The following GRIK4 variants were observed in gnomAD, a reference collection of about 807,000 sequenced individuals.
GRIK4 encodes the protein glutamate ionotropic receptor kainate type subunit 4.
A neutral mutation model predicts 104.9 loss-of-function variants in GRIK4; 40 were observed. That is an observed-to-expected ratio of 0.38 (90% CI 0.30 to 0.50). GRIK4 has a LOEUF of 0.50. Ranked by LOEUF, GRIK4 falls within the 20% of genes least tolerant of loss-of-function variation. The pLI is 0.93. For synonymous variants in GRIK4, 485 were observed against 524.9 expected (o/e 0.92, Z 1.04); for missense variants, 1,047 against 1,308.1 (o/e 0.80, Z 3.08).
At chr11:120,803,712 A>G (rs1346209708) in intron 4 of GRIK4, among the ~76,000 whole-genome samples, 2 of 152,232 alleles carry the variant, frequency 1.3e-5, no homozygotes, top group Non-Finnish European at 2.9e-5. Flanking sequence ...TGCTGGGATT[A>G]CAGGCATGAG....
At position 120,700,298 on chromosome 11, in the gene GRIK4, C is replaced by T. The variant is rs1207919207; in HGVS notation, c.82+39898C>T. On this transcript the variant is annotated intron_variant, in intron 3 of 20. Coordinates refer to ENST00000527524, the MANE Select transcript of GRIK4 (RefSeq NM_014619.5). ...TTTTTTTTTTTTTGAGATGGAGTCT[C>T]GCCCTGTCGCCCAGGCTGGAGTGGA... 1.3e-4 allele frequency among the ~76,000 whole-genome samples: 19 copies of T among 141,608 alleles called. No homozygotes were observed. In the East Asian group the frequency reaches 3.1e-3, roughly 23 times the overall value. The allele number at this position is 141,608 out of a possible 152,430, so 92.9% of individuals were successfully genotyped here.
intron 1 of GRIK4, among the ~76,000 whole-genome samples, chr11:120,560,843 A>G (rs1405602610): frequency 6.6e-6 from 1 of 152,224 alleles, no homozygotes; most frequent in African/African-American, 2.4e-5. Context: ...TTTAACATCT[A>G]CTTCAGTGGA....
At position 120,988,338 on chromosome 11, in the gene GRIK4, T is replaced by G. The variant is rs1944790619; in HGVS notation, c.*2078T>G. ...ACAACAAACCCCAATGGTGCCACTCTGCTCCAACCTGCAGCTCCATCCTAT... is the reference window on the plus strand; with the variant it reads ...ACAACAAACCCCAATGGTGCCACTCGGCTCCAACCTGCAGCTCCATCCTAT... On this transcript the variant is annotated 3_prime_UTR_variant, in exon 21 of 21. Transcript: ENST00000527524. 6.6e-6 allele frequency: 1 copy of G among 152,262 alleles called. No individual in the cohort carries two copies. The highest frequency in any genetic ancestry group is 1.5e-5 in the Non-Finnish European group (1 of 68,060). 9.4% of individuals were successfully genotyped at this position (152,262 alleles called of 1,614,324 possible).
At chr11:120,728,377 C>T (rs1033052339) in intron 3 of GRIK4, among the ~76,000 whole-genome samples, 3 of 152,230 alleles carry the variant, frequency 2.0e-5, no homozygotes, top group East Asian at 1.9e-4. Context: ...CATGTAAGAA[C>T]TGAGAGAATA....
chr11:120,669,473 T>C (rs1949977007), intron 3 of GRIK4, among the ~76,000 whole-genome samples: 1 of 152,204 alleles, frequency 6.6e-6, no homozygotes, highest in Non-Finnish European at 1.5e-5. Flanking sequence ...GAATTGCCTA[T>C]TCAAGCTGTC....
At chr11:120,838,815 C>T (rs1444552282) in intron 8 of GRIK4, among the ~76,000 whole-genome samples, 1 of 152,056 alleles carries the variant, frequency 6.6e-6, no homozygotes, top group African/African-American at 2.4e-5. Context: ...GACAGAATCT[C>T]GCTCTGTCAC....
intron 1 of GRIK4, among the ~76,000 whole-genome samples, chr11:120,561,584 G>C (rs1198994407): frequency 6.6e-6 from 1 of 152,244 alleles, no homozygotes; most frequent in African/African-American, 2.4e-5. Context: ...AGCCATGAGA[G>C]GGTCTCATAT....
intron 3 of GRIK4, among the ~76,000 whole-genome samples, chr11:120,716,346 C>T (rs1950833632): frequency 1.3e-5 from 2 of 152,120 alleles, no homozygotes; most frequent in Admixed American, 1.3e-4. Context: ...TGGGTTCAAG[C>T]AATCCTCCCC....
At chr11:120,644,498 G>A (rs1217415771) in intron 1 of GRIK4, among the ~76,000 whole-genome samples, 3 of 152,278 alleles carry the variant, frequency 2.0e-5, no homozygotes, top group African/African-American at 7.2e-5. Flanking sequence ...TAATGTCTTG[G>A]TCACAGTAAG....
At chr11:120,744,140 A>C (rs1951391405) in intron 3 of GRIK4, among the ~76,000 whole-genome samples, 1 of 152,162 alleles carries the variant, frequency 6.6e-6, no homozygotes, top group Admixed American at 6.5e-5. Context: ...AGTCTTTTAG[A>C]GATGCTTCCT....
At chr11:120,523,566 C>G (rs1311640790) in intron 1 of GRIK4, among the ~76,000 whole-genome samples, 1 of 152,214 alleles carries the variant, frequency 6.6e-6, no homozygotes, top group Non-Finnish European at 1.5e-5. Flanking sequence ...GGTCCTCACA[C>G]CAGCCCTCCA....
chr11:120,598,170 G>C (rs1012117735), intron 1 of GRIK4, among the ~76,000 whole-genome samples: 1 of 152,146 alleles, frequency 6.6e-6, no homozygotes, highest in Non-Finnish European at 1.5e-5. Context: ...CATCGAATTT[G>C]ACTGATTAAA....
In GRIK4 at chr11:120,875,301, T is replaced by C. The variant is rs1408217581; in HGVS notation, c.1164+58T>C. On this transcript the variant is annotated intron_variant, in intron 11 of 20. Transcript: ENST00000527524. ...CCTCCTCTCTGTTCCATTTCATTGATGCCTCGGTGTTTTGGATGGCCTCCT... is the reference window on the plus strand; with the variant it reads ...CCTCCTCTCTGTTCCATTTCATTGACGCCTCGGTGTTTTGGATGGCCTCCT... 10 of 1,100,780 alleles carry C rather than the reference T, an allele frequency of 9.1e-6. No homozygotes were observed. In the East Asian group the frequency reaches 9.4e-5, roughly 10 times the overall value. 68.2% of individuals were successfully genotyped at this position (1,100,780 alleles called of 1,614,324 possible).
intron 3 of GRIK4, among the ~76,000 whole-genome samples, chr11:120,754,410 G>C (rs1315843005): frequency 6.6e-6 from 1 of 152,194 alleles, no homozygotes; most frequent in Non-Finnish European, 1.5e-5. Context: ...CCGGGTTGTA[G>C]CGTGTGTCAA....
intron 1 of GRIK4, among the ~76,000 whole-genome samples, chr11:120,636,085 C>T (rs1949393516): frequency 6.6e-6 from 1 of 152,206 alleles, no homozygotes. Flanking sequence ...GAGGTTCACC[C>T]ATGTTGTTAA....
At chr11:120,792,849 T>C (rs1009437907) in intron 3 of GRIK4, among the ~76,000 whole-genome samples, 1 of 152,098 alleles carries the variant, frequency 6.6e-6, no homozygotes, top group Non-Finnish European at 1.5e-5. Flanking sequence ...AGCACACCCA[T>C]GGAGGCGGCT....
chr11:120,523,701 C>A (rs61900871), intron 1 of GRIK4, among the ~76,000 whole-genome samples: 7 of 152,118 alleles, frequency 4.6e-5, no homozygotes, highest in African/African-American at 1.7e-4. Flanking sequence ...GGTCTGCCTT[C>A]GTCTCTTTAG....
At position 120,960,924 on chromosome 11, in the gene GRIK4, G is replaced by A; in HGVS notation, c.1890G>A (p.Leu630=). The part of the protein sequence containing the change: ...CVSGVWWAFT[L]IIISSYTANL... The stretch of plus-strand genomic sequence containing the variant: ...TCCTACATAGGTGGGCATTCACGCT[G>A]ATCATCATCTCATCCTACACGGCCA... The change falls in exon 17 of 21, where the codon CTG becomes CTA. Residue 630 remains leucine (L), a synonymous_variant. Transcript: ENST00000527524. The A allele has an allele frequency of 6.2e-7, 1 of 1,613,712 alleles. No homozygotes were observed. Among genetic ancestry groups the A allele is most frequent in the East Asian group, 2.2e-5 (1 of 44,872 alleles).
At chr11:120,594,413 G>C (rs1948774199) in intron 1 of GRIK4, among the ~76,000 whole-genome samples, 1 of 152,214 alleles carries the variant, frequency 6.6e-6, no homozygotes. Flanking sequence ...GGAGGTTGAG[G>C]CTGCAGTGAG....
Sources: allele counts gnomAD v4.1 joint callset (sites outside exome capture counted in the v4.1 genomes callset), GRCh38; gene constraint gnomAD v4.1.1; transcripts MANE v1.5; gene names NCBI Gene and HGNC (gene_info 2026-07-23, HGNC 2026-07-21).